Variants in MEST observed in about 807,000 individuals in gnomAD.
MEST encodes mesoderm specific transcript, also known as mesoderm-specific transcript homolog protein.
In MEST, 18 loss-of-function variants were observed where a neutral mutation model predicts 50.9. That is an observed-to-expected ratio of 0.35 (90% confidence interval 0.24 to 0.52). The LOEUF is 0.52. Ranked by LOEUF, MEST falls within the 20% of genes least tolerant of loss-of-function variation. MEST has a pLI of 0.94. For synonymous variants in MEST, 130 were observed against 154.1 expected, an observed-to-expected ratio of 0.84 and a Z score of 1.16; for missense variants, 282 against 425.3, an observed-to-expected ratio of 0.66 and a Z score of 2.96.
At chr7:130,496,436 A>G (rs1050743710) in intron 2 of MEST, 28 of 315,168 alleles carry the variant, frequency 8.9e-5, no homozygotes, top group South Asian at 6.7e-4. Flanking sequence ...ATTATTTTTG[A>G]AAACCTTATT....
In MEST at chr7:130,495,778, G is replaced by GTTTTTTTTT. The variant is rs71178591; in HGVS notation, c.181+263_181+271dup. On this transcript the variant is annotated intron_variant, in intron 2 of 11. Coordinates refer to ENST00000223215, the MANE Select transcript of MEST (RefSeq NM_002402.4). ...TAGCTTGATATGTATTCCAATATTA[G>GTTTTTTTTT]TTTTTTTTTTTTTTTGAGCAACCTG... 37 of 189,690 alleles carry GTTTTTTTTT rather than the reference G, an allele frequency of 2.0e-4. 2 individuals carry two copies. Among genetic ancestry groups the GTTTTTTTTT allele is most frequent in the South Asian group, 1.4e-3 (11 of 7,980 alleles). 11.8% of individuals were successfully genotyped at this position (189,690 alleles called of 1,614,324 possible). A position where few individuals can be genotyped will look rare whatever the true frequency, so the allele number is the denominator to read the frequency against.
chr7:130,497,483 G>C lies in MEST; in HGVS notation c.261+248G>C, dbSNP rs1218066644. ...GAGGCAGGAGAATCGCTTGAACCCG[G>C]GAGGCAGAGGTTGCAGTGAGCTGAG... On this transcript the variant is annotated intron_variant, in intron 3 of 11. Transcript: ENST00000223215. This position sits in a 1 kb window ranked among gnomAD's most constrained non-coding sequence, Gnocchi z 4.0. The C allele has an allele frequency of 3.5e-6, 1 of 287,354 alleles. No homozygotes were observed. The highest frequency in any genetic ancestry group is 6.5e-6 in the Non-Finnish European group (1 of 153,354). The allele number at this position is 287,354 out of a possible 1,614,324, so 17.8% of individuals were successfully genotyped here.
chr7:130,493,750 C>T (rs916057005), intron 1 of MEST, among the ~76,000 whole-genome samples: 1 of 152,104 alleles, frequency 6.6e-6, no homozygotes, highest in South Asian at 2.1e-4. Flanking sequence ...GGGATGAATG[C>T]GATGAGAAGC....
At chr7:130,490,725 C>G (rs1385167260), upstream of MEST, 1 of 152,172 alleles carries the variant, frequency 6.6e-6, no homozygotes, top group Non-Finnish European at 1.5e-5. Flanking sequence ...GTTTTCGGGC[C>G]GGGGCTATTT....
Position 130,492,819 on chromosome 7 carries a change from G to A in MEST, c.26+480G>A, listed in dbSNP as rs1798880729. ...TCCGGCTTCCCTCTGGTGCGATTCA[G>A]GATTCTTAGACTCCGCCGTTGCCGT... On this transcript the variant is annotated intron_variant, in intron 1 of 11. Transcript: ENST00000223215. The surrounding 1 kb of genome is among the most constrained non-coding windows in gnomAD (Gnocchi z 7.6). 6.6e-6 allele frequency among the ~76,000 whole-genome samples: 1 copy of A among 151,890 alleles called. No homozygotes were observed. The highest frequency in any genetic ancestry group is 2.4e-5 in the African/African-American group (1 of 41,332).
Position 130,497,878 on chromosome 7 carries a change from G to A in MEST, c.262-58G>A, listed in dbSNP as rs377119894. The A allele has an allele frequency of 2.3e-4, 345 of 1,507,666 alleles. No individual in the cohort carries two copies. The highest frequency in any genetic ancestry group is 3.0e-4 in the Non-Finnish European group (322 of 1,083,200). 93.4% of individuals were successfully genotyped at this position (1,507,666 alleles called of 1,614,324 possible). On this transcript the variant is annotated intron_variant, in intron 3 of 11. Transcript: ENST00000223215. This position sits in a 1 kb window ranked among gnomAD's most constrained non-coding sequence, Gnocchi z 4.0. The stretch of plus-strand genomic sequence containing the variant: ...GGCTGAAGCTCCTGTGCAACTGTAG[G>A]TCTGGTGAAAGGGAGGGGCAGGAGC...
At chr7:130,498,864 A>G in intron 6 of MEST, 1 of 255,230 alleles carries the variant, frequency 3.9e-6, no homozygotes. Context: ...GCAATAGGTT[A>G]TGAGAGTGTA....
chr7:130,497,703 T>C lies in MEST; in HGVS notation c.262-233T>C. The C allele has an allele frequency of 1.8e-6, 1 of 569,612 alleles. No individual in the cohort carries two copies. The highest frequency in any genetic ancestry group is 2.1e-5 in the South Asian group (1 of 47,318). The allele number at this position is 569,612 out of a possible 1,614,324, so 35.3% of individuals were successfully genotyped here. A position where few individuals can be genotyped will look rare whatever the true frequency, so the allele number is the denominator to read the frequency against. On this transcript the variant is annotated intron_variant, in intron 3 of 11. Transcript: ENST00000223215. The surrounding 1 kb of genome is among the most constrained non-coding windows in gnomAD (Gnocchi z 4.0). ...TTTACTGAAGGGAATAAACAACTCC[T>C]TGGCACTCTGGAAGGGATCACTGCC...
At chr7:130,486,343 C>T (rs995893954) in exon 1 of MEST, 6 of 152,270 alleles carry the variant, frequency 3.9e-5, no homozygotes, top group African/African-American at 1.4e-4. Flanking sequence ...AGCGCATGCG[C>T]AACCGGTTCT....
Position 130,497,339 on chromosome 7 carries a change from C to A in MEST, c.261+104C>A. 1.2e-6 allele frequency: 1 copy of A among 864,770 alleles called. No homozygotes were observed. Among genetic ancestry groups the A allele is most frequent in the Admixed American group, 2.4e-5 (1 of 42,408 alleles). The allele number at this position is 864,770 out of a possible 1,614,324, so 53.6% of individuals were successfully genotyped here. A position where few individuals can be genotyped will look rare whatever the true frequency, so the allele number is the denominator to read the frequency against. ...TGGGAGGCTGAGGTGGGAGGATGAC[C>A]TGAGGTCAGGAGTTTGAGACCAGCC... On this transcript the variant is annotated intron_variant, in intron 3 of 11. Coordinates refer to ENST00000223215, the MANE Select transcript of MEST (RefSeq NM_002402.4). This position sits in a 1 kb window ranked among gnomAD's most constrained non-coding sequence, Gnocchi z 4.0.
intron 10 of MEST, 123 bp downstream of exon 10, chr7:130,502,843 T>A: frequency 2.9e-6 from 2 of 685,580 alleles, no homozygotes; most frequent in Non-Finnish European, 4.9e-6. Flanking sequence ...CCAGTTAAAT[T>A]TGAATTTTAG....
Position 130,495,210 on chromosome 7 carries a change from T to TC in MEST, c.27-158_27-157insC, listed in dbSNP as rs1798999086. 21 of 631,576 alleles carry TC rather than the reference T, an allele frequency of 3.3e-5. No individual in the cohort carries two copies. The South Asian group carries it at 6.0e-4, about 18-fold the overall frequency. 39.1% of individuals were successfully genotyped at this position (631,576 alleles called of 1,614,324 possible). On this transcript the variant is annotated intron_variant, in intron 1 of 11. Coordinates refer to ENST00000223215, the MANE Select transcript of MEST (RefSeq NM_002402.4). ...TGGTGAGTGCTATGGCAGACAGAGG[T>TC]TTGATTATAGTCTCGGTCAGCTTTG...
intron 9 of MEST, 55 bp from the exon 10 acceptor site, chr7:130,502,589 C>A: frequency 2.2e-6 from 3 of 1,350,004 alleles, no homozygotes; most frequent in Non-Finnish European, 3.2e-6. Flanking sequence ...GCCCTTGAAT[C>A]CCTGTAACAG....
chr7:130,495,441 C>G lies in MEST; in HGVS notation c.100C>G (p.Pro34Ala). ...LLAAYLHIPP[P>A]QLSPALHSWK... ...TGCTGCGTACCTGCACATCCCACCC[C>G]CTCAGCTCTCCCCTGCCCTTCACTC... Residue 34 changes from proline to alanine, a missense_variant, in exon 2 of 12, where the codon CCT becomes GCT. Physicochemically the swap from Pro to Ala is conservative, Grantham distance 27. Transcript: ENST00000223215. The G allele has an allele frequency of 1.2e-6, 2 of 1,614,062 alleles. No homozygotes were observed. The highest frequency in any genetic ancestry group is 1.7e-6 in the Non-Finnish European group (2 of 1,179,990).
Position 130,498,185 on chromosome 7 carries a change from C to A in MEST, c.386C>A (p.Ala129Glu), listed in dbSNP as rs782149861. ...SIFEQASIVE[A>E]LLRHLGLQNR... ...TTTGAGCAGGCCAGCATCGTGGAAG[C>A]GCTTTTGCGGCATCTGGGGCTCCAG... The change falls in exon 5 of 12, where the codon GCG (alanine) becomes GAG (glutamate). Residue 129 changes from alanine (A) to glutamate (E), a missense_variant. By Grantham distance (107) the Ala-to-Glu change is moderately radical. Coordinates refer to ENST00000223215, the MANE Select transcript of MEST (RefSeq NM_002402.4). 1.2e-6 allele frequency: 2 copies of A among 1,614,040 alleles called. No individual in the cohort carries two copies. Among genetic ancestry groups the A allele is most frequent in the South Asian group, 2.2e-5 (2 of 91,086 alleles).
chr7:130,493,445 C>G (rs1798911485), intron 1 of MEST, among the ~76,000 whole-genome samples: 1 of 152,168 alleles, frequency 6.6e-6, no homozygotes, highest in African/African-American at 2.4e-5. Context: ...ATTTTGCCTA[C>G]TGACGGCTAG....
At chr7:130,502,056 T>C (rs1799296604) in intron 9 of MEST, among the ~76,000 whole-genome samples, 1 of 151,956 alleles carries the variant, frequency 6.6e-6, no homozygotes. Flanking sequence ...AATCCTCTTA[T>C]TTTAAAAATG....
chr7:130,497,915 A>T lies in MEST; in HGVS notation c.262-21A>T. 17 of 1,613,172 alleles carry T rather than the reference A, an allele frequency of 1.1e-5. No homozygotes were observed. Among genetic ancestry groups the T allele is most frequent in the Non-Finnish European group, 1.4e-5 (17 of 1,179,348 alleles). ...GGAGGGGCAGGAGCAGAAAGCCCAAATCATCGTTTCTTTCTTGTAGATTTG... is the reference window on the plus strand; with the variant it reads ...GGAGGGGCAGGAGCAGAAAGCCCAATTCATCGTTTCTTTCTTGTAGATTTG... On this transcript the variant is annotated intron_variant, in intron 3 of 11. Coordinates refer to ENST00000223215, the MANE Select transcript of MEST (RefSeq NM_002402.4). This position sits in a 1 kb window ranked among gnomAD's most constrained non-coding sequence, Gnocchi z 4.0.
At chr7:130,490,726 G>A (rs1798771641), upstream of MEST, 1 of 152,192 alleles carries the variant, frequency 6.6e-6, no homozygotes, top group African/African-American at 2.4e-5. Flanking sequence ...TTTTCGGGCC[G>A]GGGCTATTTC....
Sources: gnomAD v4.1 joint callset for allele counts (sites outside exome capture counted in the v4.1 genomes callset) on GRCh38, gnomAD v4.1.1 for gene constraint, Gnocchi (gnomAD v3.1) non-coding constraint, MANE v1.5 for transcripts, NCBI Gene and HGNC (gene_info 2026-07-23, HGNC 2026-07-21) for gene names.